Variants in ATP8B1 observed in about 807,000 individuals in gnomAD.
ATP8B1 encodes ATPase phospholipid transporting 8B1.
Under a neutral mutation model 149.9 loss-of-function variants are expected in ATP8B1, and 80 were observed. That is an observed-to-expected ratio of 0.53 (90% confidence interval 0.45 to 0.64). The LOEUF is 0.64. Ranked by LOEUF, ATP8B1 falls within the 30% of genes least tolerant of loss-of-function variation. The probability of loss-of-function intolerance (pLI) is 0.00; values close to 1 mark genes in which losing one functional copy is unlikely to be tolerated. For synonymous variants in ATP8B1, 536 were observed against 562.8 expected (o/e 0.95, Z 0.67); for missense variants, 1,247 against 1,552.6 (o/e 0.80, Z 3.31).
intron 22 of ATP8B1, among the ~76,000 whole-genome samples, chr18:57,656,896 T>C (rs1910040626): frequency 6.6e-6 from 1 of 151,930 alleles, no homozygotes; most frequent in Non-Finnish European, 1.5e-5. Context: ...GACACGGGGT[T>C]CCTGGTGCAA....
At chr18:57,713,807 A>T (rs375560791) in intron 2 of ATP8B1, among the ~76,000 whole-genome samples, 5 of 64,542 alleles carry the variant, frequency 7.7e-5, no homozygotes, top group Non-Finnish European at 1.0e-4. Flanking sequence ...TTTTATTTTT[A>T]GTAGAGACAG....
chr18:57,681,511 A>T (rs565109795), intron 15 of ATP8B1, among the ~76,000 whole-genome samples: 1 of 152,262 alleles, frequency 6.6e-6, no homozygotes, highest in African/African-American at 2.4e-5. Flanking sequence ...CAGAAAACAA[A>T]TGCATGTGGC....
intron 2 of ATP8B1, among the ~76,000 whole-genome samples, chr18:57,713,188 TTTCTTTCTTTCCTTCCTTCCTTCC>T (rs1192733788): frequency 1.1e-4 from 11 of 103,800 alleles, no homozygotes; most frequent in South Asian, 7.4e-4. Flanking sequence ...TCTTTCTTTC[TTTCTTTCTTTCCTTCCTTCCTTCC>T]TTCCTTCCTT....
In ATP8B1 at chr18:57,693,232, T is replaced by A. The variant is rs117797904; in HGVS notation, c.1030-1235A>T. ...AAATTGAATTAAATACTTGAAAAAA[T>A]TTTTCATTGGGAAATAGAAGGAGTG... On this transcript the variant is annotated intron_variant, in intron 11 of 27. Transcript: ENST00000648908. Among the ~76,000 whole-genome samples the A allele has an allele frequency of 1.2e-3, 176 of 152,212 alleles. 1 individual carries two copies. The East Asian group carries it at 0.03, about 26-fold the overall frequency.
intron 2 of ATP8B1, among the ~76,000 whole-genome samples, chr18:57,728,720 C>CA (rs2079731828): frequency 9.3e-6 from 1 of 107,676 alleles, no homozygotes; most frequent in Non-Finnish European, 1.8e-5. Context: ...CAAGACTGAG[C>CA]ATTTTTTTTT....
chr18:57,761,683 A>C (rs981854765), intron 1 of ATP8B1, among the ~76,000 whole-genome samples: 14 of 151,234 alleles, frequency 9.3e-5, no homozygotes, highest in Non-Finnish European at 2.1e-4. Context: ...GGCCAGGTAC[A>C]GTGGCTCACG....
At chr18:57,759,712 G>A (rs567860507) in intron 1 of ATP8B1, among the ~76,000 whole-genome samples, 96 of 152,084 alleles carry the variant, frequency 6.3e-4, no homozygotes, top group Middle Eastern at 6.8e-3. Context: ...TACTCTACTC[G>A]GGAGGCTGAG....
At chr18:57,795,455 C>G (rs1219029023) in intron 1 of ATP8B1, among the ~76,000 whole-genome samples, 1 of 151,972 alleles carries the variant, frequency 6.6e-6, no homozygotes, top group Non-Finnish European at 1.5e-5. Context: ...TGAAAACTAC[C>G]CAAATATCTA....
intron 1 of ATP8B1, among the ~76,000 whole-genome samples, chr18:57,735,977 C>T (rs1202970529): frequency 6.9e-6 from 1 of 144,022 alleles, no homozygotes; most frequent in Admixed American, 7.0e-5. Context: ...GCCCCCCCCA[C>T]CCCCACCCCC....
At chr18:57,761,039 A>ACATAAAATAAC (rs11417262) in intron 1 of ATP8B1, among the ~76,000 whole-genome samples, 2 of 143,100 alleles carry the variant, frequency 1.4e-5, no homozygotes, top group African/African-American at 5.3e-5. Flanking sequence ...AAATAAAATA[A>ACATAAAATAAC]ATAAAATAAA....
At chr18:57,732,595 C>G (rs1035449214) in intron 1 of ATP8B1, among the ~76,000 whole-genome samples, 4 of 151,884 alleles carry the variant, frequency 2.6e-5, no homozygotes, top group Non-Finnish European at 4.4e-5. Context: ...TAGAGTCTCC[C>G]TCTGTCACCC....
At chr18:57,797,712 T>C (rs1216560249) in intron 1 of ATP8B1, among the ~76,000 whole-genome samples, 1 of 141,364 alleles carries the variant, frequency 7.1e-6, no homozygotes, top group Non-Finnish European at 1.5e-5. Context: ...TCTTTTTTTT[T>C]TTTTTTTTTT....
At chr18:57,719,958 A>G (rs1186586288) in intron 2 of ATP8B1, among the ~76,000 whole-genome samples, 1 of 152,112 alleles carries the variant, frequency 6.6e-6, no homozygotes, top group East Asian at 1.9e-4. Flanking sequence ...GAGCAGCCTA[A>G]CTGGGAGGCA....
intron 2 of ATP8B1, among the ~76,000 whole-genome samples, chr18:57,712,225 T>C (rs1913723848): frequency 6.6e-6 from 1 of 152,054 alleles, no homozygotes; most frequent in African/African-American, 2.4e-5. Flanking sequence ...AACTTTATAT[T>C]GCTGAAAAAG....
At chr18:57,702,709 T>TAGCC (rs1312588373) in intron 4 of ATP8B1, among the ~76,000 whole-genome samples, 1 of 151,914 alleles carries the variant, frequency 6.6e-6, no homozygotes, top group Non-Finnish European at 1.5e-5. Flanking sequence ...AATACAAAAT[T>TAGCC]AGCCAGGTGT....
At chr18:57,710,428 A>G (rs1312017059) in intron 2 of ATP8B1, among the ~76,000 whole-genome samples, 1 of 152,118 alleles carries the variant, frequency 6.6e-6, no homozygotes, top group African/African-American at 2.4e-5. Flanking sequence ...GATCAGTGCC[A>G]TCTGGAAGAG....
intron 15 of ATP8B1, among the ~76,000 whole-genome samples, chr18:57,682,304 C>T (rs1254327858): frequency 6.6e-6 from 1 of 152,122 alleles, no homozygotes; most frequent in Non-Finnish European, 1.5e-5. Context: ...GCGCCCAGCC[C>T]TGCTGGAAGG....
In ATP8B1 at chr18:57,748,217, G is replaced by T. The variant is rs191068168; in HGVS notation, c.-25-16385C>A. Among the ~76,000 whole-genome samples, 400 of 152,224 alleles carry T rather than the reference G, an allele frequency of 2.6e-3. 2 individuals carry two copies. The highest frequency in any genetic ancestry group is 0.02 in the Middle Eastern group (6 of 294). On this transcript the variant is annotated intron_variant, in intron 1 of 27. Coordinates refer to ENST00000648908, the MANE Select transcript of ATP8B1 (RefSeq NM_001374385.1). ...GCATCAGGCTCTCCACTATGTATTC[G>T]CATTAGCTTACTTTGTTTGAGGATC... is the stretch of plus-strand genomic sequence containing the variant.
intron 1 of ATP8B1, among the ~76,000 whole-genome samples, chr18:57,797,799 C>G (rs2080530350): frequency 6.6e-6 from 1 of 150,580 alleles, no homozygotes; most frequent in Non-Finnish European, 1.5e-5. Flanking sequence ...CCTCACCTCC[C>G]AGGCTCAAGC....
Sources: gnomAD v4.1 joint callset for allele counts (sites outside exome capture counted in the v4.1 genomes callset) on GRCh38, gnomAD v4.1.1 for gene constraint, MANE v1.5 for transcripts, NCBI Gene and HGNC (gene_info 2026-07-23, HGNC 2026-07-21) for gene names.